The following FRMD5 variants were observed in gnomAD, a reference collection of about 807,000 sequenced individuals.
FRMD5 encodes FERM domain-containing protein 5.
A neutral mutation model predicts 69.0 loss-of-function variants in FRMD5; 20 were observed. The ratio of observed to expected loss-of-function variants is 0.29; its 90% CI spans 0.20 to 0.42. The LOEUF (loss-of-function observed/expected upper bound fraction) is 0.42, where lower values mean the gene tolerates loss of function less well. Among genes scored for constraint, FRMD5 ranks in the 10% least tolerant of loss-of-function variants. The probability of loss-of-function intolerance (pLI) is 1.00; values close to 1 mark genes in which losing one functional copy is unlikely to be tolerated. For synonymous variants in FRMD5, 271 were observed against 260.1 expected, an observed-to-expected ratio of 1.04 and a Z score of -0.40; for missense variants, 595 against 708.6, an observed-to-expected ratio of 0.84 and a Z score of 1.82.
chr15:44,003,160 T>C (rs1890287190), intron 1 of FRMD5, among the ~76,000 whole-genome samples: 1 of 152,182 alleles, frequency 6.6e-6, no homozygotes. Context: ...TACACATCTA[T>C]CTAATCTGTC....
chr15:43,877,477 C>G (rs1888033276), intron 13 of FRMD5, among the ~76,000 whole-genome samples: 1 of 152,232 alleles, frequency 6.6e-6, no homozygotes, highest in African/African-American at 2.4e-5. Flanking sequence ...GCCTGCCTGA[C>G]CAGCCTTGTG....
At chr15:43,991,072 T>C (rs1889652017) in intron 1 of FRMD5, among the ~76,000 whole-genome samples, 1 of 152,214 alleles carries the variant, frequency 6.6e-6, no homozygotes, top group Admixed American at 6.5e-5. Context: ...CTTATCCAAT[T>C]AGAATGGTTT....
intron 4 of FRMD5, among the ~76,000 whole-genome samples, chr15:43,912,136 T>A (rs1460180660): frequency 6.6e-6 from 1 of 152,138 alleles, no homozygotes; most frequent in Non-Finnish European, 1.5e-5. Context: ...TAGATTAAAA[T>A]TTAAGAAGCT....
At chr15:44,116,496 G>C (rs926003453) in intron 1 of FRMD5, among the ~76,000 whole-genome samples, 1 of 152,050 alleles carries the variant, frequency 6.6e-6, no homozygotes. Context: ...CCAGAGAAAG[G>C]GTACATTTTG....
intron 1 of FRMD5, among the ~76,000 whole-genome samples, chr15:44,061,140 C>G (rs1297874214): frequency 1.3e-5 from 2 of 152,142 alleles, no homozygotes; most frequent in African/African-American, 4.8e-5. Context: ...ATGGGGAAAT[C>G]CTATGTCCTT....
At chr15:44,159,352 G>C (rs1174136390) in intron 1 of FRMD5, among the ~76,000 whole-genome samples, 2 of 152,126 alleles carry the variant, frequency 1.3e-5, no homozygotes, top group African/African-American at 4.8e-5. Flanking sequence ...AGACCATAAA[G>C]GGCTTTGTAT....
intron 13 of FRMD5, among the ~76,000 whole-genome samples, chr15:43,883,382 G>C (rs934930117): frequency 5.9e-5 from 9 of 152,188 alleles, no homozygotes; most frequent in Non-Finnish European, 1.0e-4. Flanking sequence ...ACAGGTGTGA[G>C]CCACCGCACA....
At chr15:43,976,230 C>A (rs2090460795) in intron 1 of FRMD5, among the ~76,000 whole-genome samples, 1 of 151,338 alleles carries the variant, frequency 6.6e-6, no homozygotes. Flanking sequence ...TTAAATATAA[C>A]ACCAAAAACA....
chr15:44,101,039 C>T lies in FRMD5; in HGVS notation c.102+93914G>A, dbSNP rs542392446. Among the ~76,000 whole-genome samples the T allele has an allele frequency of 2.0e-5, 3 of 151,990 alleles. No individual in the cohort carries two copies. In the East Asian group the frequency reaches 5.8e-4, roughly 29 times the overall value. ...TGGTGCACGCCTGTAGTCCCAGCTA[C>T]TCGGGAGGCTGACGCAGGAGAATCC... On this transcript the variant is annotated intron_variant, in intron 1 of 13. Transcript: ENST00000417257.
chr15:44,082,437 G>A (rs1894035895), intron 1 of FRMD5, among the ~76,000 whole-genome samples: 1 of 152,004 alleles, frequency 6.6e-6, no homozygotes. Flanking sequence ...GAGAGACCAG[G>A]TGTTTGATTT....
chr15:43,944,995 G>C (rs1344178340), intron 1 of FRMD5, among the ~76,000 whole-genome samples: 1 of 146,316 alleles, frequency 6.8e-6, no homozygotes, highest in African/African-American at 2.6e-5. Flanking sequence ...TCACCATGCT[G>C]CCCAGGCTGG....
At chr15:44,003,905 T>C (rs1300826335) in intron 1 of FRMD5, among the ~76,000 whole-genome samples, 1 of 152,206 alleles carries the variant, frequency 6.6e-6, no homozygotes, top group Non-Finnish European at 1.5e-5. Context: ...CATGAATTTT[T>C]GTCTCTTTTG....
chr15:44,120,176 T>A (rs1317135696), intron 1 of FRMD5, among the ~76,000 whole-genome samples: 2 of 151,964 alleles, frequency 1.3e-5, no homozygotes, highest in Non-Finnish European at 2.9e-5. Context: ...TAATGGAACA[T>A]TAAAGTATCC....
chr15:43,901,504 A>G (rs917103976), intron 7 of FRMD5, among the ~76,000 whole-genome samples: 1 of 152,110 alleles, frequency 6.6e-6, no homozygotes, highest in Admixed American at 6.5e-5. Context: ...AGAAATGTGG[A>G]GAAACTGAGG....
Position 43,873,189 on chromosome 15 carries a change from G to A in FRMD5, c.*696C>T, listed in dbSNP as rs1459117568. On this transcript the variant is annotated 3_prime_UTR_variant, in exon 14 of 14. Transcript: ENST00000417257. ...GACTTACCCCACCCCTGATGCTGCT[G>A]TTGCTGTAGCGGTGGTCCCTTCAGA... 7.7e-6 allele frequency: 12 copies of A among 1,550,418 alleles called. No individual in the cohort carries two copies. The highest frequency in any genetic ancestry group is 1.0e-5 in the Non-Finnish European group (12 of 1,146,976).
At chr15:43,955,309 C>T (rs1309214499) in intron 1 of FRMD5, among the ~76,000 whole-genome samples, 1 of 152,216 alleles carries the variant, frequency 6.6e-6, no homozygotes, top group Non-Finnish European at 1.5e-5. Flanking sequence ...GCTCCCTCTC[C>T]AGGGAACAGT....
At chr15:44,176,304 T>G (rs2077893254) in intron 1 of FRMD5, among the ~76,000 whole-genome samples, 1 of 152,162 alleles carries the variant, frequency 6.6e-6, no homozygotes, top group Middle Eastern at 3.2e-3. Context: ...TTCAACTGAT[T>G]GCGCTGGACA....
intron 1 of FRMD5, among the ~76,000 whole-genome samples, chr15:44,059,615 G>T (rs959832783): frequency 6.6e-6 from 1 of 152,114 alleles, no homozygotes; most frequent in East Asian, 1.9e-4. Flanking sequence ...GGGTTCAAAC[G>T]ATTCTCCTGC....
intron 1 of FRMD5, among the ~76,000 whole-genome samples, chr15:44,144,195 C>T (rs2077319588): frequency 6.6e-6 from 1 of 151,988 alleles, no homozygotes; most frequent in Non-Finnish European, 1.5e-5. Flanking sequence ...ATAGCTTCTG[C>T]TTAAAAACAA....
Sources: gnomAD v4.1 joint callset for allele counts (sites outside exome capture counted in the v4.1 genomes callset) on GRCh38, gnomAD v4.1.1 for gene constraint, MANE v1.5 for transcripts, NCBI Gene and HGNC (gene_info 2026-07-23, HGNC 2026-07-21) for gene names.